ADCK2: variants seen among roughly 807,000 people sequenced by gnomAD.
ADCK2 encodes uncharacterized aarF domain-containing protein kinase 2.
Under a neutral mutation model 52.3 loss-of-function variants are expected in ADCK2, and 37 were observed. That is an observed-to-expected ratio of 0.71 (90% confidence interval 0.54 to 0.93). The LOEUF is 0.93. Ranked by LOEUF, ADCK2 falls within the 40% of genes least tolerant of loss-of-function variation. The pLI, the probability that ADCK2 is intolerant of heterozygous loss-of-function variation, is 0.00. For missense variants in ADCK2, 695 were observed against 798.7 expected (o/e 0.87, Z 1.56); for synonymous variants, 321 against 349.2 (o/e 0.92, Z 0.90).
rs571908900 is a variant in ADCK2 at position 140,683,310 on chromosome 7, A to T, written c.1305+2173A>T. 1.1e-4 allele frequency among the ~76,000 whole-genome samples: 16 copies of T among 152,136 alleles called. No individual in the cohort carries two copies. In the South Asian group the frequency reaches 3.1e-3, roughly 30 times the overall value. ...ACAAACAAACAAACAAACAAACATA[A>T]AGAGACATAGGAGGTTTTTATGCTG... is the stretch of plus-strand genomic sequence containing the variant. On this transcript the variant is annotated intron_variant, in intron 4 of 7. Transcript: ENST00000072869.
At chr7:140,682,626 A>G (rs1794534940) in intron 4 of ADCK2, among the ~76,000 whole-genome samples, 1 of 152,158 alleles carries the variant, frequency 6.6e-6, no homozygotes, top group African/African-American at 2.4e-5. Flanking sequence ...ATATTTAAAT[A>G]TAAAGTGCTC....
At chr7:140,691,889 T>C (rs1794713832) in intron 7 of ADCK2, among the ~76,000 whole-genome samples, 2 of 152,232 alleles carry the variant, frequency 1.3e-5, no homozygotes, top group Admixed American at 1.3e-4. Context: ...TGGCTCACTC[T>C]GAGCATCTGC....
Position 140,674,583 on chromosome 7 carries a change from C to T in ADCK2, c.934-28C>T. The T allele has an allele frequency of 6.3e-7, 1 of 1,597,586 alleles. No homozygotes were observed. The highest frequency in any genetic ancestry group is 2.3e-5 in the East Asian group (1 of 44,440). Reference sequence around the variant, plus strand: ...GGTAAAATGTGTCCAGCAGGTTTCTCCTGTCTCACGGTTCCTCTTTCTGAC... The same window carrying T: ...GGTAAAATGTGTCCAGCAGGTTTCTTCTGTCTCACGGTTCCTCTTTCTGAC... On this transcript the variant is annotated intron_variant, in intron 1 of 7. Coordinates refer to ENST00000072869, the MANE Select transcript of ADCK2 (RefSeq NM_052853.4). This position sits in a 1 kb window ranked among gnomAD's most constrained non-coding sequence, Gnocchi z 4.6.
Position 140,695,042 on chromosome 7 carries a change from G to A in ADCK2, c.*239G>A. 8.0e-7 allele frequency: 1 copy of A among 1,248,590 alleles called. No homozygotes were observed. The highest frequency in any genetic ancestry group is 1.0e-6 in the Non-Finnish European group (1 of 997,320). The allele number at this position is 1,248,590 out of a possible 1,614,324, so 77.3% of individuals were successfully genotyped here. A position where few individuals can be genotyped will look rare whatever the true frequency, so the allele number is the denominator to read the frequency against. On this transcript the variant is annotated 3_prime_UTR_variant, in exon 8 of 8. Transcript: ENST00000072869. ...CATTCCATTGTGGAAGCTGGGCCAG[G>A]TGCCAGGGACACTCTCCTTCAGGGA...
At position 140,674,453 on chromosome 7, in the gene ADCK2, T is replaced by C; in HGVS notation, c.934-158T>C. On this transcript the variant is annotated intron_variant, in intron 1 of 7. Transcript: ENST00000072869. This position sits in a 1 kb window ranked among gnomAD's most constrained non-coding sequence, Gnocchi z 4.6. ...AATAGTCTGATAGAGGAAAATGAACTGAGTCTGGAGTGAACTAACTGCTTG... is the reference window on the plus strand; with the variant it reads ...AATAGTCTGATAGAGGAAAATGAACCGAGTCTGGAGTGAACTAACTGCTTG... 8.9e-7 allele frequency: 1 copy of C among 1,124,010 alleles called. No individual in the cohort carries two copies. The highest frequency in any genetic ancestry group is 1.2e-6 in the Non-Finnish European group (1 of 812,906). 69.6% of individuals were successfully genotyped at this position (1,124,010 alleles called of 1,614,324 possible). A position where few individuals can be genotyped will look rare whatever the true frequency, so the allele number is the denominator to read the frequency against.
rs1221059140 is a variant in ADCK2 at position 140,673,487 on chromosome 7, C to T, written c.157C>T (p.Leu53=). The T allele has an allele frequency of 1.2e-6, 2 of 1,607,028 alleles. No homozygotes were observed. The highest frequency in any genetic ancestry group is 8.5e-7 in the Non-Finnish European group (1 of 1,178,018). The change falls in exon 1 of 8, where the codon CTG becomes TTG. Residue 53 remains leucine, a synonymous_variant. Coordinates refer to ENST00000072869, the MANE Select transcript of ADCK2 (RefSeq NM_052853.4). The surrounding 1 kb of genome is among the most constrained non-coding windows in gnomAD (Gnocchi z 6.4). Reference sequence around the variant, plus strand: ...GGGCACTTTGCCCAAGGTCGTCTCCCTGTGCGGGGACGTGGGTGAGGGGGC... The same window carrying T: ...GGGCACTTTGCCCAAGGTCGTCTCCTTGTGCGGGGACGTGGGTGAGGGGGC... The part of the protein sequence containing the change: ...LLGTLPKVVS[L]CGDVGEGAPD...
rs1801673574 is a variant in ADCK2, at chr7:140,673,608, TC to T, written c.279del (p.Phe94SerfsTer15). The T allele has an allele frequency of 6.2e-7, 1 of 1,607,730 alleles. No individual in the cohort carries two copies. Among genetic ancestry groups the T allele is most frequent in the African/African-American group, 1.3e-5 (1 of 74,780 alleles). ...SLPRAGPLGG[V>X]FLHLRLWLRA... Reference sequence around the variant, plus strand: ...CCCCGAGCGGGACCTCTGGGCGGCGTCTTCCTGCATCTCCGCCTCTGGCTTC... The same window carrying T: ...CCCCGAGCGGGACCTCTGGGCGGCGTTTCCTGCATCTCCGCCTCTGGCTTC... On this transcript the variant is annotated frameshift_variant, in exon 1 of 8. Coordinates refer to ENST00000072869, the MANE Select transcript of ADCK2 (RefSeq NM_052853.4). LOFTEE classifies it high-confidence loss of function. The surrounding 1 kb of genome is among the most constrained non-coding windows in gnomAD (Gnocchi z 6.4).
chr7:140,675,349 T>G (rs1313397670), intron 2 of ADCK2, among the ~76,000 whole-genome samples: 1 of 152,228 alleles, frequency 6.6e-6, no homozygotes, highest in East Asian at 1.9e-4. Flanking sequence ...TTGCCATTGT[T>G]GTCCAGGCTG....
rs965216666 is a variant in ADCK2, at chr7:140,689,820, G to A, written c.1686+95G>A. ...TCTAAGGGAGACCTCTTTATGAGGGGTGTGAGTTTTAAAGCAGAAAAAGAA... is the reference window on the plus strand; with the variant it reads ...TCTAAGGGAGACCTCTTTATGAGGGATGTGAGTTTTAAAGCAGAAAAAGAA... On this transcript the variant is annotated intron_variant, in intron 6 of 7. Coordinates refer to ENST00000072869, the MANE Select transcript of ADCK2 (RefSeq NM_052853.4). 26 of 1,319,732 alleles carry A rather than the reference G, an allele frequency of 2.0e-5. No homozygotes were observed. In the African/African-American group the frequency reaches 3.5e-4, roughly 18 times the overall value. 81.8% of individuals were successfully genotyped at this position (1,319,732 alleles called of 1,614,324 possible). A position where few individuals can be genotyped will look rare whatever the true frequency, so the allele number is the denominator to read the frequency against.
At chr7:140,679,347 GC>G (rs1162042403) in intron 3 of ADCK2, 64 bp downstream of exon 3, 24 of 1,594,954 alleles carry the variant, frequency 1.5e-5, no homozygotes, top group Non-Finnish European at 2.0e-5. Context: ...CCCGTCTCCA[GC>G]CCACAGAAAG....
chr7:140,677,005 A>G (rs965041510), intron 2 of ADCK2, among the ~76,000 whole-genome samples: 1 of 151,216 alleles, frequency 6.6e-6, no homozygotes, highest in African/African-American at 2.5e-5. Flanking sequence ...CCTGGGTGAC[A>G]GAGTGAGATC....
At position 140,679,290 on chromosome 7, in the gene ADCK2, G is replaced by A; in HGVS notation, c.1209+7G>A. On this transcript the variant is annotated splice_region_variant and intron_variant, in intron 3 of 7. Transcript: ENST00000072869. ...CTTGGTGGAAACGTATGAAGTAAGAGTGATGGCTTTGCCTGGCCATACCTT... is the reference window on the plus strand; with the variant it reads ...CTTGGTGGAAACGTATGAAGTAAGAATGATGGCTTTGCCTGGCCATACCTT... 1 of 1,613,872 alleles carries A rather than the reference G, an allele frequency of 6.2e-7. No individual in the cohort carries two copies. Among genetic ancestry groups the A allele is most frequent in the Non-Finnish European group, 8.5e-7 (1 of 1,179,866 alleles).
At position 140,674,469 on chromosome 7, in the gene ADCK2, T is replaced by A; in HGVS notation, c.934-142T>A. 8.5e-7 allele frequency: 1 copy of A among 1,172,672 alleles called. No homozygotes were observed. Among genetic ancestry groups the A allele is most frequent in the Non-Finnish European group, 1.2e-6 (1 of 854,396 alleles). The allele number at this position is 1,172,672 out of a possible 1,614,324, so 72.6% of individuals were successfully genotyped here. The stretch of plus-strand genomic sequence containing the variant: ...AAAATGAACTGAGTCTGGAGTGAAC[T>A]AACTGCTTGGGTGTCGGGACCACAT... On this transcript the variant is annotated intron_variant, in intron 1 of 7. Transcript: ENST00000072869. The surrounding 1 kb of genome is among the most constrained non-coding windows in gnomAD (Gnocchi z 4.6).
chr7:140,679,382 G>A lies in ADCK2; in HGVS notation c.1209+99G>A, dbSNP rs1376190661. 2.0e-6 allele frequency: 3 copies of A among 1,518,622 alleles called. No homozygotes were observed. In the African/African-American group the frequency reaches 4.1e-5, roughly 21 times the overall value. 94.1% of individuals were successfully genotyped at this position (1,518,622 alleles called of 1,614,324 possible). A position where few individuals can be genotyped will look rare whatever the true frequency, so the allele number is the denominator to read the frequency against. ...AGGCTTCAGTCTGGAGAGAGGATGG[G>A]ATTTGTGTCTGTAAAACTGTGAGGA... is the stretch of plus-strand genomic sequence containing the variant. On this transcript the variant is annotated intron_variant, in intron 3 of 7. Coordinates refer to ENST00000072869, the MANE Select transcript of ADCK2 (RefSeq NM_052853.4).
At chr7:140,685,655 A>G (rs1308528017) in intron 4 of ADCK2, among the ~76,000 whole-genome samples, 3 of 151,932 alleles carry the variant, frequency 2.0e-5, no homozygotes, top group African/African-American at 7.3e-5. Context: ...CAGTCCCTTC[A>G]TGGTCTGCCG....
chr7:140,691,868 T>G (rs1290580791), intron 7 of ADCK2, among the ~76,000 whole-genome samples: 1 of 152,166 alleles, frequency 6.6e-6, no homozygotes, highest in Non-Finnish European at 1.5e-5. Context: ...TGCTGGGTCC[T>G]CCCGCCTCCG....
Position 140,690,825 on chromosome 7 carries a change from T to TC in ADCK2, c.1740+13dup. The TC allele has an allele frequency of 6.2e-7, 1 of 1,613,354 alleles. No individual in the cohort carries two copies. Among genetic ancestry groups the TC allele is most frequent in the South Asian group, 1.1e-5 (1 of 91,038 alleles). ...TGATGACTCACAAGGTGAGGGCCAT[T>TC]CAGAGGGGAGGTCTCTGGGGAAGGT... On this transcript the variant is annotated intron_variant, in intron 7 of 7. Coordinates refer to ENST00000072869, the MANE Select transcript of ADCK2 (RefSeq NM_052853.4).
In ADCK2 at chr7:140,693,942, C is replaced by T. The variant is rs1794751680; in HGVS notation, c.1741-721C>T. ...GCCAGGATGGTCTCGATCTCCTGACCTCATGATCCGCCCGCCTCGGTCTCC... is the reference window on the plus strand; with the variant it reads ...GCCAGGATGGTCTCGATCTCCTGACTTCATGATCCGCCCGCCTCGGTCTCC... On this transcript the variant is annotated intron_variant, in intron 7 of 7. Transcript: ENST00000072869. This position sits in a 1 kb window ranked among gnomAD's most constrained non-coding sequence, Gnocchi z 4.0. Among the ~76,000 whole-genome samples, 1 of 152,128 alleles carries T rather than the reference C, an allele frequency of 6.6e-6. No homozygotes were observed. The highest frequency in any genetic ancestry group is 2.1e-4 in the South Asian group (1 of 4,826).
rs1373914168 is a variant in ADCK2 at position 140,689,589 on chromosome 7, T to C, written c.1558-8T>C. 1.9e-6 allele frequency: 3 copies of C among 1,585,910 alleles called. No homozygotes were observed. The highest frequency in any genetic ancestry group is 2.6e-6 in the Non-Finnish European group (3 of 1,162,914). ...CACTCCAAGTCCCTTTTCCGTTGCA[T>C]TTTCCAGGGCCAGAGAGTGGCTGAG... is the stretch of plus-strand genomic sequence containing the variant. On this transcript the variant is annotated splice_polypyrimidine_tract_variant and splice_region_variant and intron_variant, in intron 5 of 7. Transcript: ENST00000072869.
Sources: gnomAD v4.1 joint callset for allele counts (sites outside exome capture counted in the v4.1 genomes callset) on GRCh38, gnomAD v4.1.1 for gene constraint, Gnocchi (gnomAD v3.1) non-coding constraint, MANE v1.5 for transcripts, NCBI Gene and HGNC (gene_info 2026-07-23, HGNC 2026-07-21) for gene names.